B3GNT3: variants seen among roughly 807,000 people sequenced by gnomAD.
The protein encoded by B3GNT3 is N-acetyllactosaminide beta-1,3-N-acetylglucosaminyltransferase 3.
Under a neutral mutation model 11.6 loss-of-function variants are expected in B3GNT3, and 7 were observed. That is an observed-to-expected ratio of 0.60 (90% CI 0.34 to 1.13). The LOEUF (loss-of-function observed/expected upper bound fraction) is 1.13. Among genes scored for constraint, B3GNT3 ranks in the 50% most tolerant of loss-of-function variants. The pLI, the probability that B3GNT3 is intolerant of heterozygous loss-of-function variation, is 0.03. For missense variants in B3GNT3, 400 were observed against 507.4 expected, an observed-to-expected ratio of 0.79 and a Z score of 2.03; for synonymous variants, 201 against 222.1, an observed-to-expected ratio of 0.90 and a Z score of 0.85.
intron 1 of B3GNT3, 79 bp from the exon 2 acceptor site, chr19:17,807,679 C>A: frequency 1.1e-6 from 1 of 884,046 alleles, no homozygotes; most frequent in Non-Finnish European, 1.7e-6. Flanking sequence ...AGCAACTGTA[C>A]AGGTGCAACC....
At chr19:17,809,009 T>C (rs2094177329) in intron 2 of B3GNT3, among the ~76,000 whole-genome samples, 1 of 152,112 alleles carries the variant, frequency 6.6e-6, no homozygotes, top group Admixed American at 6.5e-5. Context: ...AATTTTTGTA[T>C]TTTGAGTAGA....
rs202133435 is a variant in B3GNT3 at position 17,808,176 on chromosome 19, C to T, written c.369C>T (p.Arg123=). The change falls in exon 2 of 3, where the codon CGC becomes CGT. Residue 123 remains arginine (R), a synonymous_variant. Coordinates refer to ENST00000318683, the MANE Select transcript of B3GNT3 (RefSeq NM_014256.4). ...IKSSPSNYVR[R]ELLRRTWGRE... is the part of the protein sequence containing the mutation. The stretch of plus-strand genomic sequence containing the variant: ...CCTCCCCTAGCAACTATGTGCGCCG[C>T]GAGCTGCTGCGGCGCACGTGGGGCC... The T allele has an allele frequency of 1.8e-5, 29 of 1,610,502 alleles. No individual in the cohort carries two copies. In the East Asian group the frequency reaches 5.1e-4, roughly 29 times the overall value.
rs1369826137 is a variant in B3GNT3 at position 17,813,509 on chromosome 19, C to CTGAGCAG, written c.*1387_*1388insTGAGCAG. ...AATTTCTATCAGGCAGATCTGACCT[C>CTGAGCAG]ATCCCACCCACCCCCTGCTCAGATA... On this transcript the variant is annotated 3_prime_UTR_variant, in exon 3 of 3. Transcript: ENST00000318683. Among the ~76,000 whole-genome samples the CTGAGCAG allele has an allele frequency of 3.1e-3, 475 of 152,188 alleles. 3 individuals are homozygous for CTGAGCAG. Among genetic ancestry groups the CTGAGCAG allele is most frequent in the African/African-American group, 0.011 (443 of 41,514 alleles).
Position 17,813,519 on chromosome 19 carries a change from AC to A in B3GNT3, c.*1402del, listed in dbSNP as rs1345628391. On this transcript the variant is annotated 3_prime_UTR_variant, in exon 3 of 3. Coordinates refer to ENST00000318683, the MANE Select transcript of B3GNT3 (RefSeq NM_014256.4). ...AGGCAGATCTGACCTCATCCCACCC[AC>A]CCCCTGCTCAGATACCCTTCATAGC... 6.6e-6 allele frequency among the ~76,000 whole-genome samples: 1 copy of A among 150,538 alleles called. No individual in the cohort carries two copies. Among genetic ancestry groups the A allele is most frequent in the South Asian group, 2.1e-4 (1 of 4,746 alleles).
chr19:17,794,922 A>C (rs1429476453), upstream of B3GNT3: 1 of 152,462 alleles, frequency 6.6e-6, no homozygotes, highest in African/African-American at 2.4e-5. Context: ...GGGTGGCAAG[A>C]GCGGGATGGC....
At position 17,812,556 on chromosome 19, in the gene B3GNT3, T is replaced by C. The variant is rs1221321083; in HGVS notation, c.*434T>C. ...CCAGCCAGAAACTCCTGTGTCCACA[T>C]AGAGCTGACGTGAGAAATATCTTTC... On this transcript the variant is annotated 3_prime_UTR_variant, in exon 3 of 3. Transcript: ENST00000318683. The C allele has an allele frequency of 1.7e-5, 3 of 178,906 alleles. No homozygotes were observed. The highest frequency in any genetic ancestry group is 2.4e-5 in the African/African-American group (1 of 41,892). The allele number at this position is 178,906 out of a possible 1,614,324, so 11.1% of individuals were successfully genotyped here. A position where few individuals can be genotyped will look rare whatever the true frequency, so the allele number is the denominator to read the frequency against.
intron 1 of B3GNT3, among the ~76,000 whole-genome samples, chr19:17,806,238 C>T (rs1233661319): frequency 6.6e-5 from 10 of 151,204 alleles, no homozygotes; most frequent in Non-Finnish European, 1.5e-4. Context: ...GCCTTGGCTT[C>T]CTAAAGTGTT....
At chr19:17,798,047 G>T (rs1213688876) in intron 1 of B3GNT3, among the ~76,000 whole-genome samples, 1 of 152,088 alleles carries the variant, frequency 6.6e-6, no homozygotes, top group Non-Finnish European at 1.5e-5. Flanking sequence ...CGTCCACCTG[G>T]ACCCTAGGCT....
At chr19:17,805,220 C>T (rs2094171670) in intron 1 of B3GNT3, among the ~76,000 whole-genome samples, 1 of 151,640 alleles carries the variant, frequency 6.6e-6, no homozygotes, top group African/African-American at 2.4e-5. Flanking sequence ...CCACCTCAAC[C>T]TCCCGCATAG....
chr19:17,803,848 A>G (rs1198438556), intron 1 of B3GNT3, among the ~76,000 whole-genome samples: 1 of 134,030 alleles, frequency 7.5e-6, no homozygotes, highest in African/African-American at 3.1e-5. Context: ...GTGAGATCCT[A>G]TCACTAAAAA....
At chr19:17,804,549 T>TTTTA (rs2094170656) in intron 1 of B3GNT3, among the ~76,000 whole-genome samples, 1 of 133,556 alleles carries the variant, frequency 7.5e-6, no homozygotes, top group Admixed American at 7.6e-5. Flanking sequence ...TTTTTTTTTT[T>TTTTA]TTTTTTGAGA....
intron 1 of B3GNT3, among the ~76,000 whole-genome samples, chr19:17,804,149 A>ATGTT (rs1449454706): frequency 4.0e-5 from 6 of 150,132 alleles, no homozygotes; most frequent in African/African-American, 1.5e-4. Flanking sequence ...TCCACCCCCT[A>ATGTT]ACATCTGGAC....
chr19:17,802,290 C>T (rs529316960), intron 1 of B3GNT3, among the ~76,000 whole-genome samples: 128 of 152,198 alleles, frequency 8.4e-4, no homozygotes, highest in Non-Finnish European at 1.4e-3. Context: ...AGAACGTGTG[C>T]GGCAGGGGAC....
intron 1 of B3GNT3, among the ~76,000 whole-genome samples, chr19:17,799,588 G>A (rs1291286359): frequency 6.6e-6 from 1 of 151,914 alleles, no homozygotes; most frequent in Non-Finnish European, 1.5e-5. Flanking sequence ...GCTTTGCAGA[G>A]GAGGATGCTA....
chr19:17,810,126 G>T (rs975176874), intron 2 of B3GNT3, among the ~76,000 whole-genome samples: 1 of 152,228 alleles, frequency 6.6e-6, no homozygotes, highest in African/African-American at 2.4e-5. Flanking sequence ...CCCAGCCTGT[G>T]TAGGTTACTG....
In B3GNT3 at chr19:17,812,446, C is replaced by T. The variant is rs540941121; in HGVS notation, c.*324C>T. The T allele has an allele frequency of 1.0e-5, 3 of 301,320 alleles. No individual in the cohort carries two copies. Among genetic ancestry groups the T allele is most frequent in the Admixed American group, 9.5e-5 (2 of 20,996 alleles). 18.7% of individuals were successfully genotyped at this position (301,320 alleles called of 1,614,324 possible). Reference sequence around the variant, plus strand: ...CCGTTTGAGTCAAAGTCTTACTTCCCTGCTCTCACCTACTCACAGACGGGA... The same window carrying T: ...CCGTTTGAGTCAAAGTCTTACTTCCTTGCTCTCACCTACTCACAGACGGGA... On this transcript the variant is annotated 3_prime_UTR_variant, in exon 3 of 3. Transcript: ENST00000318683.
Position 17,811,909 on chromosome 19 carries a change from G to C in B3GNT3, c.906G>C (p.Met302Ile). ...CCATTGATGATGTCTTCCTGGGTAT[G>C]TGTCTGGAGCTTGAGGGACTGAAGC... ...IFPIDDVFLG[M>I]CLELEGLKPA... The change falls in exon 3 of 3, where the codon ATG becomes ATC. Residue 302 changes from methionine (M) to isoleucine (I), a missense_variant. Physicochemically the swap from Met to Ile is conservative, Grantham distance 10. Coordinates refer to ENST00000318683, the MANE Select transcript of B3GNT3 (RefSeq NM_014256.4). This position sits in a 1 kb window ranked among gnomAD's most constrained non-coding sequence, Gnocchi z 4.1. The C allele has an allele frequency of 6.2e-7, 1 of 1,613,716 alleles. No individual in the cohort carries two copies. The highest frequency in any genetic ancestry group is 1.1e-5 in the South Asian group (1 of 91,086).
chr19:17,808,732 G>T (rs2094176985), intron 2 of B3GNT3, among the ~76,000 whole-genome samples: 1 of 152,144 alleles, frequency 6.6e-6, no homozygotes, highest in Non-Finnish European at 1.5e-5. Flanking sequence ...CACCTCTAAG[G>T]GCTACTGTGA....
At chr19:17,810,730 A>C (rs2094179548) in intron 2 of B3GNT3, among the ~76,000 whole-genome samples, 2 of 151,734 alleles carry the variant, frequency 1.3e-5, no homozygotes, top group Non-Finnish European at 1.5e-5. Flanking sequence ...AAATACAAAA[A>C]ATTAGCCAGG....
Sources: gnomAD v4.1 joint callset for allele counts (sites outside exome capture counted in the v4.1 genomes callset) on GRCh38, gnomAD v4.1.1 for gene constraint, Gnocchi (gnomAD v3.1) non-coding constraint, MANE v1.5 for transcripts, NCBI Gene and HGNC (gene_info 2026-07-23, HGNC 2026-07-21) for gene names.